Variants in GRM8 observed in about 807,000 individuals in gnomAD.
The protein encoded by GRM8 is metabotropic glutamate receptor 8.
GRM8 carries 47 observed loss-of-function variants against 87.2 expected under a neutral mutation model. The ratio of observed to expected loss-of-function variants is 0.54; its 90% CI spans 0.43 to 0.69. The LOEUF is 0.69. Among genes scored for constraint, GRM8 ranks in the 30% least tolerant of loss-of-function variants. The pLI, the probability that GRM8 is intolerant of heterozygous loss-of-function variation, is 0.00. For synonymous variants in GRM8, 396 were observed against 404.5 expected, an observed-to-expected ratio of 0.98 and a Z score of 0.25; for missense variants, 1,019 against 1,139.2, an observed-to-expected ratio of 0.89 and a Z score of 1.52.
chr7:126,681,664 C>T (rs962878919), intron 7 of GRM8, among the ~76,000 whole-genome samples: 18 of 152,190 alleles, frequency 1.2e-4, no homozygotes, highest in African/African-American at 4.3e-4. Context: ...AGTACACAGA[C>T]TTCCAGGCAT....
chr7:126,574,534 C>G (rs1354523519), intron 8 of GRM8, among the ~76,000 whole-genome samples: 2 of 152,136 alleles, frequency 1.3e-5, no homozygotes, highest in Non-Finnish European at 2.9e-5. Context: ...ATTTTCCCAC[C>G]TATTATACGG....
chr7:127,101,518 G>T (rs1301038649), intron 3 of GRM8, among the ~76,000 whole-genome samples: 1 of 152,140 alleles, frequency 6.6e-6, no homozygotes, highest in Non-Finnish European at 1.5e-5. Flanking sequence ...GCTTAAATAT[G>T]TGTTGCATCT....
intron 6 of GRM8, among the ~76,000 whole-genome samples, chr7:126,813,055 A>G (rs1414004151): frequency 6.6e-6 from 1 of 152,064 alleles, no homozygotes; most frequent in Non-Finnish European, 1.5e-5. Flanking sequence ...AAAAATAACT[A>G]AAGGGAACTA....
At chr7:126,528,033 G>A (rs1247780475) in intron 9 of GRM8, among the ~76,000 whole-genome samples, 21 of 152,210 alleles carry the variant, frequency 1.4e-4, no homozygotes, top group Admixed American at 1.0e-3. Context: ...GTGAAACCCC[G>A]TCTCTATTAA....
chr7:126,610,741 TAAC>T (rs1421427658), intron 7 of GRM8, among the ~76,000 whole-genome samples: 1 of 152,196 alleles, frequency 6.6e-6, no homozygotes, highest in East Asian at 1.9e-4. Context: ...CAGAGTCACA[TAAC>T]AACAATGTGA....
At chr7:127,127,428 G>C (rs1245262479) in intron 2 of GRM8, among the ~76,000 whole-genome samples, 1 of 151,966 alleles carries the variant, frequency 6.6e-6, no homozygotes, top group African/African-American at 2.4e-5. Flanking sequence ...CTGTGGTGTA[G>C]CAATAAAATA....
chr7:127,223,672 C>T (rs139382763), intron 2 of GRM8, among the ~76,000 whole-genome samples: 1 of 152,016 alleles, frequency 6.6e-6, no homozygotes, highest in African/African-American at 2.4e-5. Flanking sequence ...CAGGTCTTAC[C>T]CGCCACCACT....
intron 6 of GRM8, among the ~76,000 whole-genome samples, chr7:126,806,507 A>G (rs964401764): frequency 2.6e-5 from 4 of 152,238 alleles, no homozygotes; most frequent in African/African-American, 9.6e-5. Context: ...CCCCACCCAC[A>G]TCCTGCTGAT....
Position 126,969,148 on chromosome 7 carries a change from G to A in GRM8, c.728-64465C>T, listed in dbSNP as rs570911992. On this transcript the variant is annotated intron_variant, in intron 3 of 10. Coordinates refer to ENST00000339582, the MANE Select transcript of GRM8 (RefSeq NM_000845.3). The stretch of plus-strand genomic sequence containing the variant: ...TCAGAAAAGCATAATATTTTTGCTG[G>A]TGGAGGGTCTTGCCCCAATGTTGAT... Among the ~76,000 whole-genome samples the A allele has an allele frequency of 2.0e-5, 3 of 152,242 alleles. No homozygotes were observed. The South Asian group carries it at 6.2e-4, about 32-fold the overall frequency.
chr7:127,193,596 A>G (rs531193100), intron 2 of GRM8, among the ~76,000 whole-genome samples: 195 of 152,312 alleles, frequency 1.3e-3, no homozygotes, highest in African/African-American at 4.4e-3. Context: ...AGTCTTTCTG[A>G]GGCTTAAAGA....
chr7:126,595,788 C>T (rs1797126820), intron 8 of GRM8, among the ~76,000 whole-genome samples: 1 of 152,018 alleles, frequency 6.6e-6, no homozygotes, highest in Non-Finnish European at 1.5e-5. Flanking sequence ...CATGTCTTTC[C>T]TATTGTGAAC....
At chr7:126,758,806 T>A (rs1416599921) in intron 7 of GRM8, among the ~76,000 whole-genome samples, 1 of 152,182 alleles carries the variant, frequency 6.6e-6, no homozygotes, top group Non-Finnish European at 1.5e-5. Flanking sequence ...TCCAAAAGAC[T>A]GGGAAAATCA....
At chr7:127,065,937 AT>A (rs1164283803) in intron 3 of GRM8, among the ~76,000 whole-genome samples, 1 of 152,262 alleles carries the variant, frequency 6.6e-6, no homozygotes, top group Admixed American at 6.5e-5. Context: ...TCAAAAACTG[AT>A]CTTCAGAAAA....
At chr7:127,000,149 T>G (rs949426163) in intron 3 of GRM8, among the ~76,000 whole-genome samples, 1 of 151,674 alleles carries the variant, frequency 6.6e-6, no homozygotes, top group African/African-American at 2.4e-5. Context: ...CACAGAAATA[T>G]AAACTTTGCA....
At position 126,830,350 on chromosome 7, in the gene GRM8, C is replaced by T. The variant is rs1055986432; in HGVS notation, c.1157-60285G>A. 5.9e-5 allele frequency among the ~76,000 whole-genome samples: 9 copies of T among 152,292 alleles called. No homozygotes were observed. In the East Asian group the frequency reaches 1.3e-3, roughly 23 times the overall value. ...CACTTTCAGGTCCACCAATCAGACG[C>T]AGATTTGGTCTTTTCACATAGTCCC... is the stretch of plus-strand genomic sequence containing the variant. On this transcript the variant is annotated intron_variant, in intron 6 of 10. Transcript: ENST00000339582.
intron 7 of GRM8, among the ~76,000 whole-genome samples, chr7:126,687,893 A>G (rs907006815): frequency 1.3e-5 from 2 of 152,124 alleles, no homozygotes; most frequent in African/African-American, 2.4e-5. Flanking sequence ...CTAGATTATT[A>G]GGACCATTTT....
intron 9 of GRM8, among the ~76,000 whole-genome samples, chr7:126,447,634 C>A (rs938683062): frequency 4.6e-5 from 7 of 151,824 alleles, no homozygotes; most frequent in African/African-American, 9.7e-5. Context: ...ACAAAAAAAA[C>A]CATTCGCCCT....
In GRM8 at chr7:126,453,098, CACACACACACACACAT is replaced by C. The variant is rs554496675; in HGVS notation, c.2431-6742_2431-6727del. Among the ~76,000 whole-genome samples the C allele has an allele frequency of 7.0e-3, 1,055 of 150,842 alleles. 12 individuals carry two copies. The highest frequency in any genetic ancestry group is 0.024 in the African/African-American group (997 of 41,124). ...ACACACACACACACACACACACACA[CACACACACACACACAT>C]ACAAGCAAAATGGTTTATTCATAAG... On this transcript the variant is annotated intron_variant, in intron 9 of 10. Transcript: ENST00000339582.
At chr7:126,726,236 G>A (rs1812956154) in intron 7 of GRM8, among the ~76,000 whole-genome samples, 1 of 151,482 alleles carries the variant, frequency 6.6e-6, no homozygotes, top group African/African-American at 2.4e-5. Context: ...AAAAAACGTA[G>A]AGGATAGGGA....
Sources: allele counts gnomAD v4.1 joint callset (sites outside exome capture counted in the v4.1 genomes callset), GRCh38; gene constraint gnomAD v4.1.1; transcripts MANE v1.5; gene names NCBI Gene and HGNC (gene_info 2026-07-23, HGNC 2026-07-21).